The following TYW1B variants were observed in gnomAD, a reference collection of about 807,000 sequenced individuals.
TYW1B encodes S-adenosyl-L-methionine-dependent tRNA 4-demethylwyosine synthase TYW1B.
A neutral mutation model predicts 86.9 loss-of-function variants in TYW1B; 73 were observed. That is an observed-to-expected ratio of 0.84 (90% CI 0.70 to 1.02). TYW1B has a LOEUF of 1.02. TYW1B is among the 50% of genes least tolerant of loss of function. The pLI is 0.00. For synonymous variants in TYW1B, 248 were observed against 292.8 expected, an observed-to-expected ratio of 0.85 and a Z score of 1.56; for missense variants, 637 against 827.4, an observed-to-expected ratio of 0.77 and a Z score of 2.82.
At chr7:72,595,663 A>C (rs1360605200) in intron 13 of TYW1B, among the ~76,000 whole-genome samples, 4 of 152,210 alleles carry the variant, frequency 2.6e-5, no homozygotes, top group African/African-American at 9.6e-5. Context: ...AGCCTGAGCA[A>C]CAGGGCGAGA....
At chr7:72,806,982 G>A (rs1423805160) in intron 5 of TYW1B, 84 bp downstream of exon 5, 2 of 1,512,584 alleles carry the variant, frequency 1.3e-6, no homozygotes, top group African/African-American at 2.8e-5. Flanking sequence ...AAGCCAACGA[G>A]ATGGTTTATT....
At chr7:72,719,555 C>T (rs1177031151) in intron 9 of TYW1B, among the ~76,000 whole-genome samples, 1 of 140,956 alleles carries the variant, frequency 7.1e-6, no homozygotes, top group Non-Finnish European at 1.5e-5. Flanking sequence ...TGCTTGAACC[C>T]AGGAGGCGGA....
intron 11 of TYW1B, among the ~76,000 whole-genome samples, chr7:72,660,198 A>G (rs1294270358): frequency 6.6e-6 from 1 of 152,070 alleles, no homozygotes; most frequent in African/African-American, 2.4e-5. Flanking sequence ...GCAAGACCTC[A>G]TCTCTACTAA....
intron 11 of TYW1B, among the ~76,000 whole-genome samples, chr7:72,667,031 CAAAAAA>C (rs60691255): frequency 7.6e-4 from 32 of 42,374 alleles, no homozygotes; most frequent in African/African-American, 2.5e-3. Context: ...GACTCCGTCT[CAAAAAA>C]AAAAAAAAAA....
At chr7:72,613,312 A>C (rs1263782629) in intron 13 of TYW1B, among the ~76,000 whole-genome samples, 21 of 152,146 alleles carry the variant, frequency 1.4e-4, no homozygotes, top group African/African-American at 5.1e-4. Flanking sequence ...GTAAACAAGC[A>C]AAGAAGAATA....
At position 72,703,014 on chromosome 7, in the gene TYW1B, ATATATATATATATT is replaced by A. The variant is rs1353652411; in HGVS notation, c.1371-8206_1371-8193del. Among the ~76,000 whole-genome samples the A allele has an allele frequency of 1.6e-3, 76 of 48,996 alleles. 1 individual carries two copies. The highest frequency in any genetic ancestry group is 0.014 in the South Asian group (16 of 1,158). 32.1% of individuals were successfully genotyped at this position (48,996 alleles called of 152,430 possible). On this transcript the variant is annotated intron_variant, in intron 10 of 13. Coordinates refer to ENST00000620995, the MANE Select transcript of TYW1B (RefSeq NM_001145440.3). ...TATATATATATATATATATATATAT[ATATATATATATATT>A]TTTTTTTTTTTTTTGAGATGGAGTC...
At position 72,761,620 on chromosome 7, in the gene TYW1B, T is replaced by C. The variant is rs549919286; in HGVS notation, c.964+15796A>G. Among the ~76,000 whole-genome samples the C allele has an allele frequency of 5.2e-4, 79 of 151,788 alleles. 1 individual carries two copies. Among genetic ancestry groups the C allele is most frequent in the Non-Finnish European group, 7.2e-4 (49 of 67,980 alleles). On this transcript the variant is annotated intron_variant, in intron 7 of 13. Coordinates refer to ENST00000620995, the MANE Select transcript of TYW1B (RefSeq NM_001145440.3). Reference sequence around the variant, plus strand: ...AAAAAAAAATTAAAGTTTTTTTTAATTTAAAAATTTTTTAAAGAATAATTT... The same window carrying C: ...AAAAAAAAATTAAAGTTTTTTTTAACTTAAAAATTTTTTAAAGAATAATTT...
intron 11 of TYW1B, among the ~76,000 whole-genome samples, chr7:72,632,328 T>TA (rs1325957133): frequency 3.3e-5 from 4 of 120,940 alleles, no homozygotes; most frequent in African/African-American, 1.4e-4. Flanking sequence ...ATATTATATA[T>TA]ATATACACGT....
chr7:72,786,592 T>C (rs1219073173), intron 6 of TYW1B, among the ~76,000 whole-genome samples: 2 of 104,792 alleles, frequency 1.9e-5, no homozygotes, highest in Non-Finnish European at 4.3e-5. Flanking sequence ...TTTTTTTTTT[T>C]TGAGATAGGG....
chr7:72,735,569 T>TAA (rs1169710498), intron 8 of TYW1B, among the ~76,000 whole-genome samples: 26 of 118,696 alleles, frequency 2.2e-4, no homozygotes, highest in Non-Finnish European at 2.7e-4. Context: ...GACTCTGCCT[T>TAA]AAAAAAAAAA....
intron 10 of TYW1B, among the ~76,000 whole-genome samples, chr7:72,697,031 TAAAAAAAAAAAAAAAA>T (rs781801843): frequency 1.5e-5 from 2 of 137,920 alleles, no homozygotes; most frequent in Non-Finnish European, 3.0e-5. Flanking sequence ...GATTTCTACT[TAAAAAAAAAAAAAAAA>T]AAAAAAAAAA....
intron 2 of TYW1B, among the ~76,000 whole-genome samples, chr7:72,818,578 C>CAA (rs57325230): frequency 0.074 from 2,707 of 36,336 alleles, 287 homozygotes; most frequent in African/African-American, 0.23. Flanking sequence ...GACTCCATCT[C>CAA]AAAAAAAAAA....
At chr7:72,732,982 T>C (rs1315751527) in intron 8 of TYW1B, among the ~76,000 whole-genome samples, 4 of 151,880 alleles carry the variant, frequency 2.6e-5, no homozygotes, top group East Asian at 1.9e-4. Flanking sequence ...CACCAACAAA[T>C]TGGAAAACCT....
rs184817294 is a variant in TYW1B, at chr7:72,716,051, C to T, written c.1193-2253G>A. ...GTTCAAGCCATTCTCCTGCCTCAGCCTCCCGAGTAGCTGGGACTACACCGG... is the reference window on the plus strand; with the variant it reads ...GTTCAAGCCATTCTCCTGCCTCAGCTTCCCGAGTAGCTGGGACTACACCGG... On this transcript the variant is annotated intron_variant, in intron 9 of 13. Transcript: ENST00000620995. Among the ~76,000 whole-genome samples, 302 of 152,346 alleles carry T rather than the reference C, an allele frequency of 2.0e-3. 1 individual carries two copies. Among genetic ancestry groups the T allele is most frequent in the Non-Finnish European group, 3.5e-3 (237 of 68,034 alleles).
intron 6 of TYW1B, among the ~76,000 whole-genome samples, chr7:72,789,582 T>TA (rs1430687627): frequency 1.3e-5 from 2 of 152,220 alleles, no homozygotes; most frequent in African/African-American, 4.8e-5. Flanking sequence ...ATGCTAATTT[T>TA]AAATTTAGAA....
intron 11 of TYW1B, among the ~76,000 whole-genome samples, chr7:72,631,288 C>T (rs1425906138): frequency 6.6e-6 from 1 of 151,936 alleles, no homozygotes; most frequent in Non-Finnish European, 1.5e-5. Context: ...CGAAGTGGGT[C>T]GCTCACTTGA....
chr7:72,720,879 C>T (rs535103620), intron 9 of TYW1B, among the ~76,000 whole-genome samples: 1 of 151,550 alleles, frequency 6.6e-6, no homozygotes, highest in African/African-American at 2.4e-5. Context: ...GGTGTATCTC[C>T]TAATGCTATC....
chr7:72,822,271 T>C (rs782049071), intron 2 of TYW1B, among the ~76,000 whole-genome samples: 14 of 144,004 alleles, frequency 9.7e-5, no homozygotes, highest in Admixed American at 3.4e-4. Context: ...ATCCAAAAGG[T>C]AGAACATCCC....
chr7:72,671,021 T>C (rs1813588277), intron 11 of TYW1B, among the ~76,000 whole-genome samples: 1 of 152,158 alleles, frequency 6.6e-6, no homozygotes, highest in African/African-American at 2.4e-5. Flanking sequence ...TCAGCAAATA[T>C]TTATTGAACG....
Sources: allele counts gnomAD v4.1 joint callset (sites outside exome capture counted in the v4.1 genomes callset), GRCh38; gene constraint gnomAD v4.1.1; transcripts MANE v1.5; gene names NCBI Gene and HGNC (gene_info 2026-07-23, HGNC 2026-07-21).